Variants in BTC observed in about 807,000 individuals in gnomAD.
BTC encodes probetacellulin.
BTC carries 13 observed loss-of-function variants against 18.1 expected under a neutral mutation model. The observed-to-expected ratio is 0.72, with a 90% CI of 0.47 to 1.14. The LOEUF is 1.14. BTC is among the 50% of genes most tolerant of loss of function. The probability of loss-of-function intolerance (pLI) is 0.00; values close to 1 mark genes in which losing one functional copy is unlikely to be tolerated. For synonymous variants in BTC, 83 were observed against 79.4 expected (o/e 1.05, Z -0.24); for missense variants, 247 against 224.2 (o/e 1.10, Z -0.65).
In BTC at chr4:74,775,195, T is replaced by G. The variant is rs1725145725; in HGVS notation, c.65-5039A>C. ...CCACAACTTTGGAGCAAAGCCAAGC[T>G]GCAGGTTCTATTTTGGGGAATCATG... On this transcript the variant is annotated intron_variant, in intron 1 of 5. Transcript: ENST00000395743. 2.6e-5 allele frequency among the ~76,000 whole-genome samples: 4 copies of G among 152,278 alleles called. No individual in the cohort carries two copies. The South Asian group carries it at 8.3e-4, about 32-fold the overall frequency.
At chr4:74,783,167 C>T (rs557137984) in intron 1 of BTC, among the ~76,000 whole-genome samples, 3 of 152,146 alleles carry the variant, frequency 2.0e-5, no homozygotes, top group Non-Finnish European at 2.9e-5. Context: ...GTCATGAAAT[C>T]TTTGTCCATG....
intron 1 of BTC, among the ~76,000 whole-genome samples, chr4:74,791,969 T>TCGCA (rs36045508): frequency 7.5e-5 from 10 of 134,148 alleles, no homozygotes; most frequent in Admixed American, 7.4e-4. Context: ...TTCCACCATC[T>TCGCA]CACACACACA....
At chr4:74,784,163 C>T (rs186876597) in intron 1 of BTC, among the ~76,000 whole-genome samples, 29 of 144,828 alleles carry the variant, frequency 2.0e-4, no homozygotes, top group Non-Finnish European at 2.8e-4. Context: ...ACCTGGGAGG[C>T]GGAGGTTGCA....
At chr4:74,767,048 A>G (rs1472767678) in intron 2 of BTC, among the ~76,000 whole-genome samples, 1 of 152,074 alleles carries the variant, frequency 6.6e-6, no homozygotes, top group Non-Finnish European at 1.5e-5. Flanking sequence ...CTTCTATGCA[A>G]CATAGCGCAG....
intron 2 of BTC, among the ~76,000 whole-genome samples, chr4:74,766,379 AAC>A (rs1394199506): frequency 1.3e-5 from 2 of 152,216 alleles, no homozygotes; most frequent in South Asian, 2.1e-4. Flanking sequence ...TGAAAACACA[AAC>A]ACACTGTACA....
chr4:74,784,039 C>A (rs1262585996), intron 1 of BTC, among the ~76,000 whole-genome samples: 2 of 151,690 alleles, frequency 1.3e-5, no homozygotes, highest in African/African-American at 4.8e-5. Context: ...TCGAGACGAG[C>A]CTGGCCAACA....
At chr4:74,779,614 A>G (rs1359940559) in intron 1 of BTC, among the ~76,000 whole-genome samples, 1 of 152,142 alleles carries the variant, frequency 6.6e-6, no homozygotes, top group African/African-American at 2.4e-5. Context: ...GTTTTCAAGG[A>G]GGATTATCCA....
At chr4:74,768,776 T>G (rs1217918299) in intron 2 of BTC, among the ~76,000 whole-genome samples, 1 of 152,146 alleles carries the variant, frequency 6.6e-6, no homozygotes, top group East Asian at 1.9e-4. Flanking sequence ...AGAAAACACA[T>G]TTAGGATGAT....
chr4:74,779,345 T>G (rs1043415466), intron 1 of BTC, among the ~76,000 whole-genome samples: 2 of 152,182 alleles, frequency 1.3e-5, no homozygotes, highest in Admixed American at 1.3e-4. Flanking sequence ...ATCAACCTTT[T>G]TTTTACTATT....
intron 3 of BTC, among the ~76,000 whole-genome samples, chr4:74,752,705 C>G (rs4346717): frequency 0.63 from 95,078 of 151,760 alleles, 29,840 homozygotes; most frequent in East Asian, 0.67. Flanking sequence ...TGCATGTATA[C>G]GAGGGAGATT....
intron 2 of BTC, among the ~76,000 whole-genome samples, chr4:74,757,459 G>A (rs1553956829): frequency 6.6e-6 from 1 of 152,128 alleles, no homozygotes; most frequent in Admixed American, 6.5e-5. Context: ...CAACCAATGA[G>A]ACTCATCAGA....
intron 1 of BTC, among the ~76,000 whole-genome samples, chr4:74,793,711 T>C (rs58706522): frequency 2.0e-5 from 3 of 152,136 alleles, no homozygotes; most frequent in Non-Finnish European, 4.4e-5. Flanking sequence ...AGAGACCCTC[T>C]GGAGGGCTCT....
chr4:74,756,989 C>T (rs1438927217), intron 2 of BTC, among the ~76,000 whole-genome samples: 1 of 152,074 alleles, frequency 6.6e-6, no homozygotes, highest in Non-Finnish European at 1.5e-5. Context: ...ATGCCCACAC[C>T]CACAGAAAAC....
intron 2 of BTC, among the ~76,000 whole-genome samples, chr4:74,761,147 A>G (rs993651547): frequency 1.3e-5 from 2 of 150,088 alleles, no homozygotes; most frequent in African/African-American, 2.4e-5. Context: ...AAAAAAAAGA[A>G]TCAATATTGA....
chr4:74,757,295 T>C (rs2109885689), intron 2 of BTC, among the ~76,000 whole-genome samples: 1 of 152,338 alleles, frequency 6.6e-6, no homozygotes, highest in African/African-American at 2.4e-5. Context: ...ATGATCTAAA[T>C]ACTGCAAATT....
At chr4:74,780,826 C>T (rs560918225) in intron 1 of BTC, among the ~76,000 whole-genome samples, 4 of 151,226 alleles carry the variant, frequency 2.6e-5, no homozygotes, top group Admixed American at 6.6e-5. Flanking sequence ...AAAAATTCTT[C>T]GTTATTGGTT....
At chr4:74,773,693 C>T (rs547747332) in intron 1 of BTC, among the ~76,000 whole-genome samples, 77 of 151,810 alleles carry the variant, frequency 5.1e-4, no homozygotes, top group African/African-American at 1.8e-3. Flanking sequence ...CTCATTGCTG[C>T]CTCCGCCTCC....
At chr4:74,755,767 G>T (rs1724579444) in intron 3 of BTC, 92 bp downstream of exon 3, 8 of 1,189,658 alleles carry the variant, frequency 6.7e-6, no homozygotes, top group Admixed American at 5.6e-5. Flanking sequence ...CGGACAGATG[G>T]CATGGTTAGC....
chr4:74,751,071 C>A (rs1345029657), intron 3 of BTC, among the ~76,000 whole-genome samples: 1 of 152,110 alleles, frequency 6.6e-6, no homozygotes, highest in African/African-American at 2.4e-5. Flanking sequence ...ACTCAAAAAT[C>A]CCCAGGACTT....
Sources: allele counts gnomAD v4.1 joint callset (sites outside exome capture counted in the v4.1 genomes callset), GRCh38; gene constraint gnomAD v4.1.1; transcripts MANE v1.5; gene names NCBI Gene and HGNC (gene_info 2026-07-23, HGNC 2026-07-21).